The following RAD18 variants were observed in gnomAD, a reference collection of about 807,000 sequenced individuals.
RAD18 encodes E3 ubiquitin-protein ligase RAD18.
Under a neutral mutation model 60.4 loss-of-function variants are expected in RAD18, and 47 were observed. The ratio of observed to expected loss-of-function variants is 0.78; its 90% CI spans 0.62 to 0.99. The LOEUF is 0.99. Among genes scored for constraint, RAD18 ranks in the 50% least tolerant of loss-of-function variants. The pLI is 0.00. For synonymous variants in RAD18, 225 were observed against 195.5 expected, an observed-to-expected ratio of 1.15 and a Z score of -1.26; for missense variants, 640 against 593.3, an observed-to-expected ratio of 1.08 and a Z score of -0.82.
At chr3:8,925,645 C>T (rs1297434660) in intron 7 of RAD18, among the ~76,000 whole-genome samples, 5 of 152,118 alleles carry the variant, frequency 3.3e-5, no homozygotes, top group Admixed American at 6.5e-5. Context: ...TGATGAACAT[C>T]GATGCAAAAA....
At chr3:8,951,273 C>G (rs1232898408) in intron 2 of RAD18, among the ~76,000 whole-genome samples, 4 of 152,026 alleles carry the variant, frequency 2.6e-5, no homozygotes, top group Non-Finnish European at 5.9e-5. Context: ...GTAGTGGGGG[C>G]CTTACCTACA....
intron 4 of RAD18, among the ~76,000 whole-genome samples, chr3:8,945,468 C>CTTTTTTTTTTTT (rs375744764): frequency 1.0e-5 from 1 of 96,374 alleles, no homozygotes; most frequent in Non-Finnish European, 2.0e-5. Context: ...TTTCCATCTT[C>CTTTTTTTTTTTT]TTTTTTTTTT....
In RAD18 at chr3:8,940,160, T is replaced by C. The variant is rs138041000; in HGVS notation, c.605-507A>G. 3.1e-3 allele frequency among the ~76,000 whole-genome samples: 468 copies of C among 152,322 alleles called. 9 individuals carry two copies. The highest frequency in any genetic ancestry group is 0.01 in the East Asian group (54 of 5,186). The stretch of plus-strand genomic sequence containing the variant: ...TAGCTCTCACTGATGATTCCATATA[T>C]AATGTTAAAATTAAGGAACACAGTC... On this transcript the variant is annotated intron_variant, in intron 5 of 12. Transcript: ENST00000264926.
chr3:8,877,577 T>A lies in RAD18; in HGVS notation c.*3780A>T, dbSNP rs1287560742. 6.6e-6 allele frequency: 1 copy of A among 152,148 alleles called. No homozygotes were observed. The highest frequency in any genetic ancestry group is 1.9e-4 in the East Asian group (1 of 5,182). 9.4% of individuals were successfully genotyped at this position (152,148 alleles called of 1,614,324 possible). A position where few individuals can be genotyped will look rare whatever the true frequency, so the allele number is the denominator to read the frequency against. ...ATTTTCAAGCTTTCTATGGCAAGAG[T>A]TTATAGGCAAAAACAAAATCCGTCC... On this transcript the variant is annotated 3_prime_UTR_variant, in exon 13 of 13. Transcript: ENST00000264926.
At chr3:8,917,620 C>A (rs975225586) in intron 7 of RAD18, among the ~76,000 whole-genome samples, 1 of 151,486 alleles carries the variant, frequency 6.6e-6, no homozygotes, top group Middle Eastern at 3.4e-3. Flanking sequence ...AGAGAGAACA[C>A]TAAAATTTTT....
chr3:8,927,712 A>G (rs1479285657), intron 7 of RAD18, among the ~76,000 whole-genome samples: 4 of 152,230 alleles, frequency 2.6e-5, no homozygotes, highest in Non-Finnish European at 4.4e-5. Context: ...CGTATATACC[A>G]TGGAATACTA....
At chr3:8,928,828 A>G (rs993262823) in intron 7 of RAD18, among the ~76,000 whole-genome samples, 2 of 151,260 alleles carry the variant, frequency 1.3e-5, no homozygotes, top group African/African-American at 4.9e-5. Flanking sequence ...AATATTCACC[A>G]GGAAGACCTA....
chr3:8,893,450 G>C (rs983987162), intron 11 of RAD18, among the ~76,000 whole-genome samples: 5 of 152,078 alleles, frequency 3.3e-5, no homozygotes, highest in Non-Finnish European at 4.4e-5. Flanking sequence ...ACCAGACAAT[G>C]GTACTTAAAT....
chr3:8,934,908 A>G (rs1375796247), intron 7 of RAD18, among the ~76,000 whole-genome samples: 4 of 151,760 alleles, frequency 2.6e-5, no homozygotes, highest in African/African-American at 9.7e-5. Context: ...TGACCATATA[A>G]AAAAACATGA....
At chr3:8,948,844 G>C (rs1164795428) in intron 2 of RAD18, among the ~76,000 whole-genome samples, 5 of 152,062 alleles carry the variant, frequency 3.3e-5, no homozygotes, top group African/African-American at 1.2e-4. Context: ...CAAAACACAG[G>C]AAACATACAC....
At chr3:8,882,108 C>T (rs879669321) in intron 12 of RAD18, among the ~76,000 whole-genome samples, 4 of 150,256 alleles carry the variant, frequency 2.7e-5, no homozygotes, top group South Asian at 2.1e-4. Flanking sequence ...TGGAGAGGGG[C>T]CACTTCAGTG....
At chr3:8,897,986 T>C (rs1939821526) in intron 11 of RAD18, among the ~76,000 whole-genome samples, 1 of 151,232 alleles carries the variant, frequency 6.6e-6, no homozygotes, top group South Asian at 2.1e-4. Flanking sequence ...GTAGGAGAAA[T>C]GCTTGAACCT....
chr3:8,889,051 A>G (rs45438100), intron 12 of RAD18, among the ~76,000 whole-genome samples: 3,485 of 152,264 alleles, frequency 0.023, 114 homozygotes, highest in African/African-American at 0.078. Flanking sequence ...CCAAAATCTC[A>G]AACTTACATA....
intron 12 of RAD18, among the ~76,000 whole-genome samples, chr3:8,884,639 A>C (rs1392740918): frequency 3.3e-5 from 5 of 151,760 alleles, no homozygotes; most frequent in African/African-American, 1.2e-4. Flanking sequence ...TTTTCTTTCC[A>C]TGTTTCCCCT....
intron 7 of RAD18, among the ~76,000 whole-genome samples, chr3:8,925,049 A>C (rs1382921636): frequency 6.6e-6 from 1 of 151,376 alleles, no homozygotes; most frequent in East Asian, 1.9e-4. Flanking sequence ...AAGGCAAGAA[A>C]TAACTAAGAT....
At chr3:8,941,318 A>G (rs748924096) in intron 5 of RAD18, 149 bp downstream of exon 5, 60 of 723,814 alleles carry the variant, frequency 8.3e-5, no homozygotes, top group Non-Finnish European at 1.1e-4. Flanking sequence ...GAGAACAAAC[A>G]TATCTACAAC....
chr3:8,887,153 A>G (rs1939581590), intron 12 of RAD18, among the ~76,000 whole-genome samples: 3 of 152,216 alleles, frequency 2.0e-5, no homozygotes, highest in Admixed American at 6.5e-5. Flanking sequence ...AATGCCAATC[A>G]TTAAGCCCCT....
intron 7 of RAD18, among the ~76,000 whole-genome samples, chr3:8,931,930 A>C (rs1268507097): frequency 6.6e-6 from 1 of 152,232 alleles, no homozygotes; most frequent in African/African-American, 2.4e-5. Context: ...GTGCTGAAAA[A>C]CTAGATATAC....
At chr3:8,907,797 G>T (rs953287944) in intron 9 of RAD18, among the ~76,000 whole-genome samples, 41 of 152,082 alleles carry the variant, frequency 2.7e-4, no homozygotes, top group African/African-American at 8.9e-4. Context: ...CTATCGGTTT[G>T]TGCAACCTCA....
Sources: gnomAD v4.1 joint callset for allele counts (sites outside exome capture counted in the v4.1 genomes callset) on GRCh38, gnomAD v4.1.1 for gene constraint, MANE v1.5 for transcripts, NCBI Gene and HGNC (gene_info 2026-07-23, HGNC 2026-07-21) for gene names.